Variants in AGL observed in about 807,000 individuals in gnomAD.
AGL encodes amylo-alpha-1,6-glucosidase and 4-alpha-glucanotransferase.
A neutral mutation model predicts 199.3 loss-of-function variants in AGL; 128 were observed. The ratio of observed to expected loss-of-function variants is 0.64; its 90% CI spans 0.56 to 0.74. The LOEUF is 0.74. Among genes scored for constraint, AGL ranks in the 30% least tolerant of loss-of-function variants. The pLI is 0.00. For missense variants in AGL, 1,809 were observed against 1,820.8 expected, an observed-to-expected ratio of 0.99 and a Z score of 0.12; for synonymous variants, 584 against 594.7, an observed-to-expected ratio of 0.98 and a Z score of 0.26.
At position 99,902,804 on chromosome 1, in the gene AGL, T is replaced by G. The variant is rs1238531859; in HGVS notation, c.3700+10T>G. The G allele has an allele frequency of 1.3e-6, 2 of 1,590,918 alleles. No individual in the cohort carries two copies. Among genetic ancestry groups the G allele is most frequent in the Non-Finnish European group, 1.7e-6 (2 of 1,159,624 alleles). On this transcript the variant is annotated intron_variant, in intron 27 of 33. Transcript: ENST00000361915. The stretch of plus-strand genomic sequence containing the variant: ...AACATGAAGGACGAAGGTACAGAAC[T>G]TTAACTAAAATAGTACAAATTTATC...
At chr1:99,874,536 T>C in intron 7 of AGL, 151 bp from the exon 8 acceptor site, 1 of 740,934 alleles carries the variant, frequency 1.3e-6, no homozygotes, top group South Asian at 1.7e-5. Context: ...CACAGCAGGA[T>C]GAGAAGGGGA....
chr1:99,863,114 A>G (rs1650201688), intron 4 of AGL, among the ~76,000 whole-genome samples: 2 of 151,652 alleles, frequency 1.3e-5, no homozygotes, highest in Non-Finnish European at 1.5e-5. Flanking sequence ...TAATTTTTGT[A>G]TTTTTAGTAG....
chr1:99,907,840 T>G lies in AGL; in HGVS notation c.3701-2872T>G, dbSNP rs75937911. 3.5e-3 allele frequency among the ~76,000 whole-genome samples: 532 copies of G among 152,220 alleles called. 4 individuals carry two copies. Among genetic ancestry groups the G allele is most frequent in the African/African-American group, 0.012 (510 of 41,544 alleles). On this transcript the variant is annotated intron_variant, in intron 27 of 33. Transcript: ENST00000361915. Reference sequence around the variant, plus strand: ...ATATCTTCTTTGGAGAAATGTCTATTCACATCCTTTGAATTTAGGGAATGA... The same window carrying G: ...ATATCTTCTTTGGAGAAATGTCTATGCACATCCTTTGAATTTAGGGAATGA...
rs762707495 is a variant in AGL at position 99,892,408 on chromosome 1, T to C, written c.3084-24T>C. 1.9e-6 allele frequency: 3 copies of C among 1,606,752 alleles called. No individual in the cohort carries two copies. In the South Asian group the frequency reaches 3.3e-5, roughly 18 times the overall value. ...CTAAAAATTGTATTTCTACAAGTAA[T>C]AAATTCAATCACTTTTGTTACAGCT... On this transcript the variant is annotated intron_variant, in intron 23 of 33. Transcript: ENST00000361915.
At chr1:99,874,605 A>G (rs1406882769) in intron 7 of AGL, 82 bp from the exon 8 acceptor site, 14 of 1,322,912 alleles carry the variant, frequency 1.1e-5, no homozygotes, top group Non-Finnish European at 1.4e-5. Flanking sequence ...AAAAAATTAT[A>G]GGCCAAAAAT....
chr1:99,901,922 A>C (rs1160990569), intron 26 of AGL, among the ~76,000 whole-genome samples: 1 of 152,172 alleles, frequency 6.6e-6, no homozygotes, highest in Non-Finnish European at 1.5e-5. Context: ...CAATGAATAT[A>C]GGTTCATGCT....
chr1:99,857,847 A>AGGGAGGCC (rs1649685231), intron 2 of AGL, among the ~76,000 whole-genome samples: 1 of 8,242 alleles, frequency 1.2e-4, no homozygotes. Context: ...GGGGAGGGGG[A>AGGGAGGCC]GGGGGGAAGA....
Position 99,908,337 on chromosome 1 carries a change from G to T in AGL, c.3701-2375G>T, listed in dbSNP as rs1439857214. On this transcript the variant is annotated intron_variant, in intron 27 of 33. Transcript: ENST00000361915. ...AAAAAAATTTGACTGCATATACAGG[G>T]TTTATTTCTGGGTTCTCTGTTCCAT... Among the ~76,000 whole-genome samples the T allele has an allele frequency of 2.0e-5, 3 of 152,080 alleles. No homozygotes were observed. The East Asian group carries it at 5.8e-4, about 29-fold the overall frequency.
chr1:99,891,264 G>T lies in AGL; in HGVS notation c.2857G>T (p.Gly953Trp). The change falls in exon 22 of 34, where the codon GGG (glycine) becomes TGG (tryptophan). Residue 953 changes from glycine (G) to tryptophan (W), a missense_variant. Coordinates refer to ENST00000361915, the MANE Select transcript of AGL (RefSeq NM_000642.3). ...AGAAATAAGACCAAAGAATGACTTG[G>T]GGCATCCTTTTTGTAATAATTTGAG... ...LAEIRPKNDL[G>W]HPFCNNLRSG... 1 of 1,613,502 alleles carries T rather than the reference G, an allele frequency of 6.2e-7. No individual in the cohort carries two copies. Among genetic ancestry groups the T allele is most frequent in the African/African-American group, 1.3e-5 (1 of 74,972 alleles).
intron 4 of AGL, among the ~76,000 whole-genome samples, chr1:99,863,186 C>T (rs2101089949): frequency 6.6e-6 from 1 of 152,100 alleles, no homozygotes; most frequent in East Asian, 1.9e-4. Context: ...GATCTGCCCA[C>T]CTTGGCCTCC....
At chr1:99,903,789 C>T (rs1353354101) in intron 27 of AGL, among the ~76,000 whole-genome samples, 1 of 152,146 alleles carries the variant, frequency 6.6e-6, no homozygotes, top group African/African-American at 2.4e-5. Context: ...ACATCCTCTC[C>T]AGCACCTGTT....
intron 17 of AGL, among the ~76,000 whole-genome samples, chr1:99,882,697 G>C (rs1019420911): frequency 5.9e-5 from 9 of 151,958 alleles, no homozygotes; most frequent in Admixed American, 1.3e-4. Context: ...TTTTTTTCTG[G>C]ATAGGTGTAT....
At chr1:99,860,519 G>A (rs1267597673) in intron 2 of AGL, among the ~76,000 whole-genome samples, 3 of 152,096 alleles carry the variant, frequency 2.0e-5, no homozygotes, top group African/African-American at 7.2e-5. Flanking sequence ...CAACCAAAAT[G>A]TTTCTTTCAC....
At chr1:99,917,507 G>A (rs55814920) in intron 33 of AGL, among the ~76,000 whole-genome samples, 20,686 of 152,122 alleles carry the variant, frequency 0.14, 1,503 homozygotes, top group Middle Eastern at 0.17. Flanking sequence ...CCTTGCTCTC[G>A]TGTAGCACAA....
intron 7 of AGL, among the ~76,000 whole-genome samples, chr1:99,872,739 G>C (rs184289958): frequency 2.0e-5 from 3 of 152,206 alleles, no homozygotes; most frequent in Admixed American, 2.0e-4. Context: ...ATGTTGGCCA[G>C]GATGGTCTCG....
intron 25 of AGL, among the ~76,000 whole-genome samples, chr1:99,897,219 G>C (rs1393027503): frequency 6.6e-6 from 1 of 152,188 alleles, no homozygotes; most frequent in Non-Finnish European, 1.5e-5. Flanking sequence ...CCACACATCA[G>C]TAGTGTCACC....
At chr1:99,877,617 G>A in intron 11 of AGL, 24 bp from the exon 12 acceptor site, 1 of 1,610,628 alleles carries the variant, frequency 6.2e-7, no homozygotes, top group South Asian at 1.1e-5. Flanking sequence ...TTGAACCATT[G>A]AAAGCAATCT....
intron 4 of AGL, among the ~76,000 whole-genome samples, chr1:99,862,827 G>A (rs1650170252): frequency 6.6e-6 from 1 of 151,954 alleles, no homozygotes; most frequent in Non-Finnish European, 1.5e-5. Context: ...CCAACATCGG[G>A]GATTACAATT....
chr1:99,857,847 A>AGACCGT (rs1557743553), intron 2 of AGL, among the ~76,000 whole-genome samples: 1 of 8,226 alleles, frequency 1.2e-4, no homozygotes, highest in East Asian at 4.7e-3. Flanking sequence ...GGGGAGGGGG[A>AGACCGT]GGGGGGAAGA....
Sources: gnomAD v4.1 joint callset for allele counts (sites outside exome capture counted in the v4.1 genomes callset) on GRCh38, gnomAD v4.1.1 for gene constraint, MANE v1.5 for transcripts, NCBI Gene and HGNC (gene_info 2026-07-23, HGNC 2026-07-21) for gene names.